Variants in CCDC91 observed in about 807,000 individuals in gnomAD.
The protein encoded by CCDC91 is coiled-coil domain-containing protein 91.
In CCDC91, 48 loss-of-function variants were observed where a neutral mutation model predicts 63.2. The ratio of observed to expected loss-of-function variants is 0.76; its 90% CI spans 0.60 to 0.97. The LOEUF (loss-of-function observed/expected upper bound fraction) is 0.97, where lower values mean the gene tolerates loss of function less well. Ranked by LOEUF, CCDC91 falls within the 50% of genes least tolerant of loss-of-function variation. The pLI, the probability that CCDC91 is intolerant of heterozygous loss-of-function variation, is 0.00. For synonymous variants in CCDC91, 167 were observed against 165.8 expected (o/e 1.01, Z -0.06); for missense variants, 500 against 494.6 (o/e 1.01, Z -0.10).
In CCDC91 at chr12:28,549,205, A is replaced by G. The variant is rs1943187461; in HGVS notation, c.*32A>G. ...CATGACAAACCCACACTGGCATTGG[A>G]TAAATCATATTACACCTTCAAAATA... On this transcript the variant is annotated 3_prime_UTR_variant, in exon 13 of 13. Transcript: ENST00000536442. 2 of 1,143,626 alleles carry G rather than the reference A, an allele frequency of 1.7e-6. No homozygotes were observed. The highest frequency in any genetic ancestry group is 3.0e-5 in the African/African-American group (2 of 65,648). 70.8% of individuals were successfully genotyped at this position (1,143,626 alleles called of 1,614,324 possible).
intron 12 of CCDC91, among the ~76,000 whole-genome samples, chr12:28,521,372 T>C (rs1379832957): frequency 6.6e-6 from 1 of 152,150 alleles, no homozygotes; most frequent in Non-Finnish European, 1.5e-5. Flanking sequence ...GGCTCTCTGT[T>C]TGTCTGTTAT....
At chr12:28,414,837 A>G (rs2139787370) in intron 8 of CCDC91, among the ~76,000 whole-genome samples, 1 of 152,350 alleles carries the variant, frequency 6.6e-6, no homozygotes, top group Middle Eastern at 3.4e-3. Context: ...GGGGCAATAA[A>G]GTAGAAGTAA....
intron 12 of CCDC91, among the ~76,000 whole-genome samples, chr12:28,540,533 G>GTAGTAT (rs1210601808): frequency 1.3e-5 from 2 of 152,128 alleles, no homozygotes; most frequent in African/African-American, 2.4e-5. Context: ...AGAAGGCAGC[G>GTAGTAT]TAGTATTGTG....
chr12:28,486,366 T>A (rs1157855472), intron 12 of CCDC91, among the ~76,000 whole-genome samples: 2 of 152,214 alleles, frequency 1.3e-5, no homozygotes, highest in African/African-American at 2.4e-5. Context: ...CCACATTTTT[T>A]ATCCATTCCT....
At chr12:28,519,933 TG>T (rs1203111493) in intron 12 of CCDC91, among the ~76,000 whole-genome samples, 3 of 152,034 alleles carry the variant, frequency 2.0e-5, no homozygotes, top group Non-Finnish European at 4.4e-5. Flanking sequence ...TATTCCATGG[TG>T]TATATGATGT....
intron 1 of CCDC91, among the ~76,000 whole-genome samples, chr12:28,241,267 A>T (rs1272727538): frequency 6.6e-6 from 1 of 152,150 alleles, no homozygotes; most frequent in Non-Finnish European, 1.5e-5. Flanking sequence ...TGGAACCTTC[A>T]CCAGAATAAA....
intron 8 of CCDC91, among the ~76,000 whole-genome samples, chr12:28,416,351 G>C (rs1231629066): frequency 6.6e-6 from 1 of 151,952 alleles, no homozygotes; most frequent in Admixed American, 6.6e-5. Context: ...GTATCAAAGG[G>C]TATAGATATT....
intron 3 of CCDC91, among the ~76,000 whole-genome samples, chr12:28,262,839 A>C (rs1380305684): frequency 6.6e-6 from 1 of 152,024 alleles, no homozygotes; most frequent in Non-Finnish European, 1.5e-5. Context: ...CTCTTTTCCT[A>C]ATTCCTTTAC....
intron 12 of CCDC91, among the ~76,000 whole-genome samples, chr12:28,497,190 T>G (rs1952349176): frequency 6.6e-6 from 1 of 151,404 alleles, no homozygotes; most frequent in Admixed American, 6.6e-5. Context: ...TCTCTGTATT[T>G]ATGTGTCCCT....
At chr12:28,378,703 C>T (rs1373369902) in intron 7 of CCDC91, among the ~76,000 whole-genome samples, 17 of 151,998 alleles carry the variant, frequency 1.1e-4, no homozygotes, top group Admixed American at 1.1e-3. Flanking sequence ...TAAATTCCAG[C>T]TTTTATCATA....
chr12:28,501,410 G>T (rs1214913074), intron 12 of CCDC91, among the ~76,000 whole-genome samples: 4 of 151,888 alleles, frequency 2.6e-5, no homozygotes, highest in Non-Finnish European at 5.9e-5. Flanking sequence ...AGAGTTTTTA[G>T]CATGAAGGGT....
At chr12:28,430,486 C>T (rs776974084) in intron 8 of CCDC91, among the ~76,000 whole-genome samples, 11 of 151,974 alleles carry the variant, frequency 7.2e-5, no homozygotes, top group Non-Finnish European at 1.3e-4. Flanking sequence ...AAAAAGTAGA[C>T]ATTACATTGA....
intron 12 of CCDC91, among the ~76,000 whole-genome samples, chr12:28,515,363 A>G (rs1380752851): frequency 6.6e-6 from 1 of 151,848 alleles, no homozygotes; most frequent in Non-Finnish European, 1.5e-5. Context: ...TCACATATCC[A>G]TGTATTCTCC....
chr12:28,441,559 A>G (rs1239163244), intron 8 of CCDC91, among the ~76,000 whole-genome samples: 1 of 151,258 alleles, frequency 6.6e-6, no homozygotes, highest in African/African-American at 2.4e-5. Context: ...ATGGATGAGT[A>G]TTACAGATTT....
intron 6 of CCDC91, among the ~76,000 whole-genome samples, chr12:28,360,423 G>T (rs1376834446): frequency 1.3e-5 from 2 of 152,128 alleles, no homozygotes; most frequent in Non-Finnish European, 2.9e-5. Flanking sequence ...GTCATTCACG[G>T]TGGGTCACAG....
chr12:28,326,824 C>G (rs10843154), intron 6 of CCDC91, among the ~76,000 whole-genome samples: 30,756 of 151,948 alleles, frequency 0.2, 4,084 homozygotes, highest in Non-Finnish European at 0.3. Flanking sequence ...AGGTCCCCCC[C>G]AAAATGGGTT....
chr12:28,462,559 A>T (rs1950357812), intron 11 of CCDC91, among the ~76,000 whole-genome samples: 1 of 152,056 alleles, frequency 6.6e-6, no homozygotes, highest in Admixed American at 6.6e-5. Flanking sequence ...GAGACACAAG[A>T]AATGTAATAT....
intron 1 of CCDC91, among the ~76,000 whole-genome samples, chr12:28,244,341 G>T (rs1478656808): frequency 6.6e-6 from 1 of 152,016 alleles, no homozygotes. Context: ...TAGATGAAAA[G>T]ATTCTCTTAA....
At chr12:28,380,628 T>G (rs2139065249) in intron 7 of CCDC91, among the ~76,000 whole-genome samples, 1 of 152,264 alleles carries the variant, frequency 6.6e-6, no homozygotes, top group Non-Finnish European at 1.5e-5. Flanking sequence ...AGATTTGACC[T>G]GTTCTGATGC....
Sources: allele counts gnomAD v4.1 joint callset (sites outside exome capture counted in the v4.1 genomes callset), GRCh38; gene constraint gnomAD v4.1.1; transcripts MANE v1.5; gene names NCBI Gene and HGNC (gene_info 2026-07-23, HGNC 2026-07-21).